FBXL17: variants seen among roughly 807,000 people sequenced by gnomAD.
FBXL17 encodes the protein F-box and leucine rich repeat protein 17, also known as F-box/LRR-repeat protein 17.
A neutral mutation model predicts 66.2 loss-of-function variants in FBXL17; 22 were observed. The observed-to-expected ratio is 0.33, with a 90% CI of 0.24 to 0.47. FBXL17 has a LOEUF of 0.47. Among genes scored for constraint, FBXL17 ranks in the 20% least tolerant of loss-of-function variants. The pLI, the probability that FBXL17 is intolerant of heterozygous loss-of-function variation, is 1.00. For synonymous variants in FBXL17, 474 were observed against 400.5 expected (o/e 1.18, Z -2.19); for missense variants, 878 against 948.2 (o/e 0.93, Z 0.97).
At chr5:107,876,201 C>G (rs1172596305) in intron 8 of FBXL17, among the ~76,000 whole-genome samples, 1 of 152,226 alleles carries the variant, frequency 6.6e-6, no homozygotes, top group Non-Finnish European at 1.5e-5. Flanking sequence ...CACACTTTCT[C>G]TTTCCCATCT....
chr5:108,239,545 G>T (rs1243428283), intron 4 of FBXL17, among the ~76,000 whole-genome samples: 1 of 152,200 alleles, frequency 6.6e-6, no homozygotes, highest in African/African-American at 2.4e-5. Context: ...TCTCATCCCA[G>T]CAGTCAAAAC....
chr5:108,017,561 G>A (rs191807559), intron 7 of FBXL17, among the ~76,000 whole-genome samples: 100 of 152,286 alleles, frequency 6.6e-4, no homozygotes, highest in African/African-American at 2.2e-3. Flanking sequence ...GTATCATCAC[G>A]TGGATTAACA....
rs77626290 is a variant in FBXL17, at chr5:108,006,944, T to C, written c.1822+13981A>G. On this transcript the variant is annotated intron_variant, in intron 7 of 8. Coordinates refer to ENST00000542267, the MANE Select transcript of FBXL17 (RefSeq NM_001163315.3). ...ATTCCAAACCAACTTTTAAAGAAAA[T>C]TGCATGGAATTTTGAAGACATCAGG... 1.7e-3 allele frequency among the ~76,000 whole-genome samples: 266 copies of C among 152,246 alleles called. 1 individual carries two copies. Among genetic ancestry groups the C allele is most frequent in the African/African-American group, 5.7e-3 (235 of 41,552 alleles).
intron 5 of FBXL17, among the ~76,000 whole-genome samples, chr5:108,193,316 A>G (rs1753546023): frequency 6.6e-6 from 1 of 152,230 alleles, no homozygotes; most frequent in African/African-American, 2.4e-5. Flanking sequence ...AAAGGCAGTT[A>G]TAAGAAAACT....
chr5:107,962,433 AC>A (rs1751951330), intron 7 of FBXL17, among the ~76,000 whole-genome samples: 1 of 152,156 alleles, frequency 6.6e-6, no homozygotes, highest in African/African-American at 2.4e-5. Flanking sequence ...CAGCTACACA[AC>A]ACATGTATTG....
intron 7 of FBXL17, among the ~76,000 whole-genome samples, chr5:107,950,578 T>G (rs78220616): frequency 2.0e-5 from 3 of 152,154 alleles, no homozygotes; most frequent in Non-Finnish European, 4.4e-5. Context: ...TTAGAAACTT[T>G]TGGGTACAGT....
At position 107,912,679 on chromosome 5, in the gene FBXL17, T is replaced by C. The variant is rs549909124; in HGVS notation, c.1823-31500A>G. 9.7e-4 allele frequency among the ~76,000 whole-genome samples: 147 copies of C among 152,288 alleles called. 1 individual carries two copies. The highest frequency in any genetic ancestry group is 2.8e-3 in the Admixed American group (43 of 15,282). On this transcript the variant is annotated intron_variant, in intron 7 of 8. Transcript: ENST00000542267. ...TTTGGAAGTATGACCACTACGAAAG[T>C]GTTTTCCACTAAGGAAGAGAAGAGA... is the stretch of plus-strand genomic sequence containing the variant.
chr5:108,330,500 CT>C (rs992696284), intron 4 of FBXL17, among the ~76,000 whole-genome samples: 1 of 152,102 alleles, frequency 6.6e-6, no homozygotes, highest in Admixed American at 6.5e-5. Flanking sequence ...TCTAGGCCAA[CT>C]GTTTTATTAA....
chr5:108,212,454 C>T (rs549804070), intron 5 of FBXL17, among the ~76,000 whole-genome samples: 1 of 152,088 alleles, frequency 6.6e-6, no homozygotes, highest in Non-Finnish European at 1.5e-5. Context: ...CTGGTTTCTC[C>T]CCATCTTTGT....
At chr5:107,980,665 T>TATATATATATATATATATATATATATATA (rs1363335386) in intron 7 of FBXL17, among the ~76,000 whole-genome samples, 7 of 79,130 alleles carry the variant, frequency 8.8e-5, no homozygotes, top group African/African-American at 1.8e-4. Context: ...TATATATATA[T>TATATATATATATATATATATATATATATA]TTTTTTTTTG....
intron 7 of FBXL17, among the ~76,000 whole-genome samples, chr5:107,992,957 G>A (rs1025570811): frequency 4.0e-5 from 6 of 151,632 alleles, no homozygotes; most frequent in African/African-American, 1.5e-4. Context: ...GTGCAGTGGC[G>A]CGATCTCGGC....
chr5:108,286,642 A>C (rs1757911726), intron 4 of FBXL17, among the ~76,000 whole-genome samples: 1 of 152,062 alleles, frequency 6.6e-6, no homozygotes, highest in South Asian at 2.1e-4. Context: ...GAAATCAGAG[A>C]TGACACAGAA....
intron 6 of FBXL17, among the ~76,000 whole-genome samples, chr5:108,032,571 G>A (rs150978152): frequency 8.1e-4 from 123 of 152,284 alleles, no homozygotes; most frequent in African/African-American, 2.9e-3. Context: ...ACAGAGAAGA[G>A]AAGGCAATAT....
chr5:107,925,348 G>A (rs1395740717), intron 7 of FBXL17, among the ~76,000 whole-genome samples: 1 of 152,164 alleles, frequency 6.6e-6, no homozygotes, highest in African/African-American at 2.4e-5. Context: ...GCCACATCCT[G>A]CTTTATGTTG....
chr5:108,107,185 C>A lies in FBXL17; in HGVS notation c.1745+78932G>T, dbSNP rs566899430. ...CTCCTGGGTTCAAGCGATTCTCCTG[C>A]CTCAGCCTCCCGAGTAGCTGGGATT... On this transcript the variant is annotated intron_variant, in intron 6 of 8. Coordinates refer to ENST00000542267, the MANE Select transcript of FBXL17 (RefSeq NM_001163315.3). Among the ~76,000 whole-genome samples, 7 of 152,214 alleles carry A rather than the reference C, an allele frequency of 4.6e-5. No individual in the cohort carries two copies. The East Asian group carries it at 1.4e-3, about 30-fold the overall frequency.
chr5:107,972,151 C>T (rs1216415448), intron 7 of FBXL17, among the ~76,000 whole-genome samples: 1 of 151,954 alleles, frequency 6.6e-6, no homozygotes, highest in Non-Finnish European at 1.5e-5. Context: ...GTGCTTTGCA[C>T]AGAGCAGGCA....
intron 5 of FBXL17, among the ~76,000 whole-genome samples, chr5:108,221,688 T>A (rs1754872708): frequency 6.6e-6 from 1 of 152,182 alleles, no homozygotes; most frequent in Admixed American, 6.5e-5. Flanking sequence ...CACAACTTTT[T>A]AAGGGGTGTT....
chr5:108,078,164 C>T (rs1748626836), intron 6 of FBXL17, among the ~76,000 whole-genome samples: 1 of 152,190 alleles, frequency 6.6e-6, no homozygotes. Flanking sequence ...CGCCCATCTG[C>T]AATGCCACCA....
chr5:107,936,473 A>G (rs1317786993), intron 7 of FBXL17, among the ~76,000 whole-genome samples: 1 of 152,012 alleles, frequency 6.6e-6, no homozygotes, highest in Non-Finnish European at 1.5e-5. Context: ...ATCCTCATAC[A>G]TTTGCTGCTT....
Sources: allele counts gnomAD v4.1 joint callset (sites outside exome capture counted in the v4.1 genomes callset), GRCh38; gene constraint gnomAD v4.1.1; transcripts MANE v1.5; gene names NCBI Gene and HGNC (gene_info 2026-07-23, HGNC 2026-07-21).